Variants in TDRD12 observed in about 807,000 individuals in gnomAD.
TDRD12 encodes the protein tudor domain containing 12.
In TDRD12, 158 loss-of-function variants were observed where a neutral mutation model predicts 133.5. The observed-to-expected ratio is 1.18, with a 90% CI of 1.04 to 1.35. The LOEUF (loss-of-function observed/expected upper bound fraction) is 1.35. TDRD12 is among the 40% of genes most tolerant of loss of function. The pLI, the probability that TDRD12 is intolerant of heterozygous loss-of-function variation, is 0.00. For synonymous variants in TDRD12, 460 were observed against 477.9 expected (o/e 0.96, Z 0.49); for missense variants, 1,443 against 1,321.3 (o/e 1.09, Z -1.43).
chr19:32,819,114 C>T (rs750199625), intron 27 of TDRD12, among the ~76,000 whole-genome samples: 8 of 151,984 alleles, frequency 5.3e-5, no homozygotes, highest in Non-Finnish European at 1.0e-4. Context: ...CTCAGGAGTT[C>T]GAGACCAGCC....
chr19:32,805,668 A>C (rs1015978750), intron 21 of TDRD12, among the ~76,000 whole-genome samples: 1 of 151,150 alleles, frequency 6.6e-6, no homozygotes, highest in Non-Finnish European at 1.5e-5. Context: ...TTTGGTCCTC[A>C]TCAAGGTTGT....
chr19:32,728,937 G>A (rs1054524887), intron 1 of TDRD12, among the ~76,000 whole-genome samples: 7 of 150,704 alleles, frequency 4.6e-5, no homozygotes, highest in Non-Finnish European at 7.4e-5. Flanking sequence ...ATAAGCCACC[G>A]TGCCTGGCCT....
intron 11 of TDRD12, among the ~76,000 whole-genome samples, chr19:32,784,970 G>A (rs1157571207): frequency 6.6e-6 from 1 of 152,010 alleles, no homozygotes; most frequent in African/African-American, 2.4e-5. Flanking sequence ...AGGGTTTTCT[G>A]TGTCACTATC....
intron 1 of TDRD12, among the ~76,000 whole-genome samples, chr19:32,728,099 C>T (rs1968917014): frequency 6.6e-6 from 1 of 152,164 alleles, no homozygotes; most frequent in South Asian, 2.1e-4. Context: ...ATTCTGGACT[C>T]TCTATTCTAC....
At chr19:32,798,544 T>A in intron 16 of TDRD12, 109 bp downstream of exon 16, 1 of 846,938 alleles carries the variant, frequency 1.2e-6, no homozygotes, top group Non-Finnish European at 1.7e-6. Context: ...TTGGTTAATC[T>A]AAAAAAATTT....
chr19:32,791,177 T>A (rs1452145648), intron 13 of TDRD12, 109 bp downstream of exon 13: 5 of 1,188,872 alleles, frequency 4.2e-6, no homozygotes, highest in Non-Finnish European at 5.6e-6. Flanking sequence ...TCTTTGCTTT[T>A]GAAATTCTCT....
downstream of TDRD12, among the ~76,000 whole-genome samples, chr19:32,823,782 G>T (rs1967489200): frequency 6.6e-6 from 1 of 152,224 alleles, no homozygotes; most frequent in Admixed American, 6.5e-5. Context: ...GTCATTAAGA[G>T]GATTTTCCCA....
intron 4 of TDRD12, among the ~76,000 whole-genome samples, chr19:32,744,449 A>G (rs1008480459): frequency 3.5e-5 from 5 of 144,268 alleles, no homozygotes; most frequent in Non-Finnish European, 7.6e-5. Flanking sequence ...GCAGTGAGCC[A>G]AGATTGCGCC....
At chr19:32,754,060 T>C (rs943455047) in intron 6 of TDRD12, among the ~76,000 whole-genome samples, 1 of 152,226 alleles carries the variant, frequency 6.6e-6, no homozygotes, top group Non-Finnish European at 1.5e-5. Context: ...TATTCTTTTG[T>C]AATGGGGTTC....
At chr19:32,815,508 G>A (rs1967147856) in exon 26 of TDRD12, 2 of 1,536,524 alleles carry the variant, frequency 1.3e-6, no homozygotes, top group African/African-American at 2.7e-5. Context: ...TGTTCGAGCT[G>A]AAATTTTGTC....
intron 2 of TDRD12, among the ~76,000 whole-genome samples, chr19:32,735,831 G>A (rs1412091537): frequency 2.0e-5 from 3 of 152,146 alleles, no homozygotes; most frequent in Non-Finnish European, 2.9e-5. Context: ...TTAGCCAGGT[G>A]TGGTGGCGGA....
At chr19:32,800,586 T>C in intron 17 of TDRD12, 58 bp from the exon 18 acceptor site, 1 of 1,426,160 alleles carries the variant, frequency 7.0e-7, no homozygotes, top group Non-Finnish European at 9.2e-7. Flanking sequence ...CTGTGGAAAG[T>C]GGATCTGGAG....
At chr19:32,819,443 A>C (rs1967303151) in intron 27 of TDRD12, among the ~76,000 whole-genome samples, 1 of 152,170 alleles carries the variant, frequency 6.6e-6, no homozygotes, top group Admixed American at 6.5e-5. Context: ...AGAAAAAAAA[A>C]ATTTCCCATA....
intron 18 of TDRD12, among the ~76,000 whole-genome samples, chr19:32,801,372 T>C (rs1180044428): frequency 6.6e-6 from 1 of 152,234 alleles, no homozygotes; most frequent in Non-Finnish European, 1.5e-5. Context: ...GAATTAATAG[T>C]ACATCTAGCT....
At chr19:32,787,880 C>T (rs760488813) in intron 11 of TDRD12, among the ~76,000 whole-genome samples, 1 of 152,126 alleles carries the variant, frequency 6.6e-6, no homozygotes, top group African/African-American at 2.4e-5. Flanking sequence ...GAAACCTTTC[C>T]CCTTGTGCTT....
chr19:32,773,034 C>T (rs1970481863), intron 9 of TDRD12, among the ~76,000 whole-genome samples, 184 bp downstream of exon 9: 1 of 152,160 alleles, frequency 6.6e-6, no homozygotes, highest in Non-Finnish European at 1.5e-5. Context: ...GAAAGTAGCT[C>T]CAGCTTCTTC....
intron 4 of TDRD12, among the ~76,000 whole-genome samples, chr19:32,747,050 G>C (rs1467961128): frequency 6.4e-5 from 9 of 141,180 alleles, no homozygotes; most frequent in African/African-American, 2.7e-5. Context: ...GACTGGCTGA[G>C]GTGGTTATTC....
chr19:32,820,122 G>A (rs921878475), intron 27 of TDRD12, among the ~76,000 whole-genome samples: 4 of 152,110 alleles, frequency 2.6e-5, no homozygotes, highest in Non-Finnish European at 4.4e-5. Context: ...GGGGAGGGGC[G>A]GTGGCTCAGG....
chr19:32,721,718 T>TTTATTTTATTTTATTTTATG (rs1568440357), intron 1 of TDRD12, among the ~76,000 whole-genome samples: 2 of 145,992 alleles, frequency 1.4e-5, no homozygotes, highest in African/African-American at 5.3e-5. Flanking sequence ...TTTATTTTAT[T>TTTATTTTATTTTATTTTATG]TTATTTTGAG....
Sources: allele counts gnomAD v4.1 joint callset (sites outside exome capture counted in the v4.1 genomes callset), GRCh38; gene constraint gnomAD v4.1.1; transcripts MANE v1.5; gene names NCBI Gene and HGNC (gene_info 2026-07-23, HGNC 2026-07-21).